AGBL4: variants seen among roughly 807,000 people sequenced by gnomAD.
The protein encoded by AGBL4 is AGBL carboxypeptidase 4.
Under a neutral mutation model 66.4 loss-of-function variants are expected in AGBL4, and 58 were observed. The observed-to-expected ratio is 0.87, with a 90% CI of 0.71 to 1.09. The LOEUF is 1.09. Ranked by LOEUF, AGBL4 falls within the 50% of genes least tolerant of loss-of-function variation. The pLI is 0.00. For synonymous variants in AGBL4, 234 were observed against 222.9 expected, an observed-to-expected ratio of 1.05 and a Z score of -0.44; for missense variants, 579 against 631.0, an observed-to-expected ratio of 0.92 and a Z score of 0.88.
chr1:49,817,470 A>C (rs796790075), intron 2 of AGBL4, among the ~76,000 whole-genome samples: 6 of 152,268 alleles, frequency 3.9e-5, no homozygotes, highest in Non-Finnish European at 7.3e-5. Flanking sequence ...ATCTTCTTTA[A>C]GATTTTAGGG....
At chr1:49,069,662 G>T (rs1361939353) in intron 4 of AGBL4, among the ~76,000 whole-genome samples, 1 of 151,862 alleles carries the variant, frequency 6.6e-6, no homozygotes, top group Admixed American at 6.6e-5. Context: ...AAGTCAGGTA[G>T]CGTGACACCT....
chr1:49,649,683 G>A (rs891652044), intron 3 of AGBL4, among the ~76,000 whole-genome samples: 1 of 152,006 alleles, frequency 6.6e-6, no homozygotes, highest in African/African-American at 2.4e-5. Context: ...AACAACAGAA[G>A]AATATACATT....
At chr1:48,761,391 T>A (rs1053236746) in intron 6 of AGBL4, 2 of 1,551,924 alleles carry the variant, frequency 1.3e-6, no homozygotes, top group Non-Finnish European at 1.7e-6. Flanking sequence ...CCTCTCCATC[T>A]TCTTCTACAT....
chr1:49,284,843 C>A (rs1384092685), intron 3 of AGBL4, among the ~76,000 whole-genome samples: 2 of 150,548 alleles, frequency 1.3e-5, no homozygotes, highest in Admixed American at 1.3e-4. Flanking sequence ...TATATATGCA[C>A]CCAATACAGG....
At chr1:49,897,742 G>C (rs1314263605) in intron 1 of AGBL4, among the ~76,000 whole-genome samples, 1 of 151,950 alleles carries the variant, frequency 6.6e-6, no homozygotes, top group African/African-American at 2.4e-5. Context: ...CATGATAATA[G>C]CATAAAAAAC....
intron 4 of AGBL4, among the ~76,000 whole-genome samples, chr1:49,238,731 A>T (rs1443108296): frequency 6.6e-6 from 1 of 152,190 alleles, no homozygotes; most frequent in Admixed American, 6.5e-5. Context: ...ATTGTCTCAC[A>T]ATAATCTCTC....
intron 6 of AGBL4, among the ~76,000 whole-genome samples, chr1:48,707,291 AT>A (rs1646896218): frequency 6.6e-6 from 1 of 152,014 alleles, no homozygotes; most frequent in South Asian, 2.1e-4. Context: ...GAGACCCTAT[AT>A]CCAAAACAAC....
In AGBL4 at chr1:49,714,869, T is replaced by C. The variant is rs1233961032; in HGVS notation, c.158-17432A>G. Among the ~76,000 whole-genome samples the C allele has an allele frequency of 2.0e-5, 3 of 152,042 alleles. No homozygotes were observed. In the East Asian group the frequency reaches 5.8e-4, roughly 29 times the overall value. Reference sequence around the variant, plus strand: ...ATCTCCATACTGTTTTCCATAGAGATTGCACTAATTTACTTTTTCACCAAC... The same window carrying C: ...ATCTCCATACTGTTTTCCATAGAGACTGCACTAATTTACTTTTTCACCAAC... On this transcript the variant is annotated intron_variant, in intron 2 of 13. Coordinates refer to ENST00000371839, the MANE Select transcript of AGBL4 (RefSeq NM_032785.4).
At chr1:49,959,040 T>C (rs1313005738) in intron 1 of AGBL4, among the ~76,000 whole-genome samples, 1 of 151,118 alleles carries the variant, frequency 6.6e-6, no homozygotes, top group African/African-American at 2.4e-5. Flanking sequence ...AGAATCAAAA[T>C]TCTACCTTTG....
intron 6 of AGBL4, chr1:48,776,483 GAGA>G: frequency 1.4e-6 from 1 of 725,556 alleles, no homozygotes; most frequent in Non-Finnish European, 2.0e-6. Context: ...CAGAGGACGG[GAGA>G]AGGAGGCAGG....
intron 4 of AGBL4, among the ~76,000 whole-genome samples, chr1:49,218,319 T>C (rs1433082302): frequency 2.0e-5 from 3 of 152,006 alleles, no homozygotes; most frequent in Admixed American, 1.3e-4. Context: ...TTCCAGGAGA[T>C]AGAAAACAAC....
intron 4 of AGBL4, among the ~76,000 whole-genome samples, chr1:49,168,732 G>C (rs1380548594): frequency 6.6e-6 from 1 of 152,166 alleles, no homozygotes; most frequent in Non-Finnish European, 1.5e-5. Flanking sequence ...TATGGTACCT[G>C]CTTGATGCCC....
intron 3 of AGBL4, among the ~76,000 whole-genome samples, chr1:49,294,725 T>C (rs186860369): frequency 6.6e-6 from 1 of 152,294 alleles, no homozygotes; most frequent in African/African-American, 2.4e-5. Flanking sequence ...ATGCTTTTCC[T>C]CCTCTGCCAG....
intron 1 of AGBL4, among the ~76,000 whole-genome samples, chr1:49,860,375 G>A (rs1181999345): frequency 1.3e-5 from 2 of 152,218 alleles, no homozygotes; most frequent in Non-Finnish European, 2.9e-5. Flanking sequence ...TCAATGTAGA[G>A]AAGAAAATAT....
chr1:49,401,909 A>G (rs1645094143), intron 3 of AGBL4, among the ~76,000 whole-genome samples: 1 of 152,108 alleles, frequency 6.6e-6, no homozygotes, highest in South Asian at 2.1e-4. Context: ...CAATACTTAT[A>G]GGTTTTGTGT....
At chr1:49,995,333 C>T (rs1660287856) in intron 1 of AGBL4, 2 of 452,700 alleles carry the variant, frequency 4.4e-6, no homozygotes, top group Admixed American at 4.7e-5. Context: ...TGAGACCAGC[C>T]TTTCAGGCTG....
chr1:49,417,010 T>C (rs1041695732), intron 3 of AGBL4, among the ~76,000 whole-genome samples: 4 of 152,220 alleles, frequency 2.6e-5, no homozygotes, highest in Non-Finnish European at 5.9e-5. Context: ...AACCTAATAG[T>C]ATCTTCACGC....
At chr1:49,262,290 A>C (rs528320920) in intron 3 of AGBL4, among the ~76,000 whole-genome samples, 17 of 152,250 alleles carry the variant, frequency 1.1e-4, no homozygotes, top group African/African-American at 2.4e-4. Flanking sequence ...GCGACAAAAG[A>C]CAAAATTGAC....
chr1:49,709,337 C>G (rs532352453), intron 2 of AGBL4, among the ~76,000 whole-genome samples: 1 of 152,154 alleles, frequency 6.6e-6, no homozygotes, highest in Non-Finnish European at 1.5e-5. Context: ...CTGAACTTCC[C>G]GGAGGCTGTG....
Sources: gnomAD v4.1 joint callset for allele counts (sites outside exome capture counted in the v4.1 genomes callset) on GRCh38, gnomAD v4.1.1 for gene constraint, MANE v1.5 for transcripts, NCBI Gene and HGNC (gene_info 2026-07-23, HGNC 2026-07-21) for gene names.